Variants in MTUS1 observed in about 807,000 individuals in gnomAD.
MTUS1 encodes the protein microtubule associated scaffold protein 1.
A neutral mutation model predicts 120.8 loss-of-function variants in MTUS1; 109 were observed. The observed-to-expected ratio is 0.90, with a 90% CI of 0.77 to 1.06. The LOEUF (loss-of-function observed/expected upper bound fraction) is 1.06, where lower values mean the gene tolerates loss of function less well. Ranked by LOEUF, MTUS1 falls within the 50% of genes least tolerant of loss-of-function variation. The pLI is 0.00. For missense variants in MTUS1, 2,210 were observed against 1,486.3 expected, an observed-to-expected ratio of 1.49 and a Z score of -8.01; for synonymous variants, 737 against 550.5, an observed-to-expected ratio of 1.34 and a Z score of -4.74.
rs1352701940 is a variant in MTUS1 at position 17,767,698 on chromosome 8, C to CT, written c.-154-11738dup. 1.3e-4 allele frequency among the ~76,000 whole-genome samples: 9 copies of CT among 71,412 alleles called. No individual in the cohort carries two copies. In the East Asian group the frequency reaches 4.3e-3, roughly 34 times the overall value. 46.8% of individuals were successfully genotyped at this position (71,412 alleles called of 152,430 possible). ...TGGGTGATAGAGCAAGACCCTGTCT[C>CT]TTAAAAAAAAAAAAAAAAAACGGTG... On this transcript the variant is annotated intron_variant, in intron 1 of 14. Coordinates refer to ENST00000693296, the MANE Select transcript of MTUS1 (RefSeq NM_001363059.2).
intron 1 of MTUS1, among the ~76,000 whole-genome samples, chr8:17,764,401 GC>G (rs2049300100): frequency 3.1e-5 from 2 of 63,712 alleles, no homozygotes; most frequent in African/African-American, 1.1e-4. Flanking sequence ...AAAGAAAACT[GC>G]AAAAAAAAAA....
At chr8:17,794,122 G>C (rs2095442576) in intron 1 of MTUS1, among the ~76,000 whole-genome samples, 1 of 152,238 alleles carries the variant, frequency 6.6e-6, no homozygotes, top group South Asian at 2.1e-4. Flanking sequence ...GAGGTCAGGA[G>C]TTCGAGACCA....
Position 17,753,927 on chromosome 8 carries a change from G to C in MTUS1, c.1881C>G (p.Thr627=). Residue 627 remains threonine, a synonymous_variant, in exon 2 of 15, where the codon ACC becomes ACG. Transcript: ENST00000693296. ...KASSSNSACE[T]GSVSALFQKI... Reference sequence around the variant, plus strand: ...TCTGAAACAACGCAGAAACGGACCCGGTCTCGCATGCTGAGTTAGAAGAAC... The same window carrying C: ...TCTGAAACAACGCAGAAACGGACCCCGTCTCGCATGCTGAGTTAGAAGAAC... The C allele has an allele frequency of 6.2e-7, 1 of 1,614,092 alleles. No individual in the cohort carries two copies. Among genetic ancestry groups the C allele is most frequent in the Non-Finnish European group, 8.5e-7 (1 of 1,180,010 alleles).
At chr8:17,767,859 G>C (rs990831541) in intron 1 of MTUS1, among the ~76,000 whole-genome samples, 1 of 152,170 alleles carries the variant, frequency 6.6e-6, no homozygotes, top group Admixed American at 6.5e-5. Flanking sequence ...AAGGAGTTAT[G>C]ATGGAGACTG....
At chr8:17,800,707 G>C (rs915817938) in intron 1 of MTUS1, 2 of 152,198 alleles carry the variant, frequency 1.3e-5, no homozygotes, top group African/African-American at 4.8e-5. Flanking sequence ...TATTCCACCC[G>C]CTTTCTCGGC....
intron 3 of MTUS1, among the ~76,000 whole-genome samples, chr8:17,737,307 G>A (rs111420423): frequency 0.012 from 1,769 of 152,214 alleles, 12 homozygotes; most frequent in South Asian, 0.028. Flanking sequence ...AGGAGTTGTG[G>A]GAATTAAATG....
intron 6 of MTUS1, among the ~76,000 whole-genome samples, chr8:17,711,137 G>T (rs1386470882): frequency 1.3e-5 from 2 of 152,180 alleles, no homozygotes; most frequent in Non-Finnish European, 2.9e-5. Flanking sequence ...TTTCAGAATG[G>T]TAAGTGAACG....
chr8:17,684,585 A>AT, intron 6 of MTUS1, 43 bp from the exon 7 acceptor site: 1 of 1,498,330 alleles, frequency 6.7e-7, no homozygotes, highest in Non-Finnish European at 9.2e-7. Flanking sequence ...GGTGAGGTTA[A>AT]TTTTTAAAAT....
chr8:17,774,055 C>G (rs1044407027), intron 1 of MTUS1, among the ~76,000 whole-genome samples: 19 of 152,220 alleles, frequency 1.2e-4, no homozygotes, highest in Non-Finnish European at 2.9e-5. Context: ...AACAATCCTG[C>G]TGGTAAAGGC....
At chr8:17,742,354 C>G (rs148518698) in intron 3 of MTUS1, among the ~76,000 whole-genome samples, 1 of 144,656 alleles carries the variant, frequency 6.9e-6, no homozygotes, top group Non-Finnish European at 1.5e-5. Context: ...GTCCTGAACT[C>G]CTGGCCCACT....
chr8:17,722,009 T>A (rs393787), intron 4 of MTUS1: 82,643 of 1,403,692 alleles, frequency 0.059, 762 homozygotes, highest in East Asian at 0.077. Flanking sequence ...AAAAAAAAAA[T>A]GCGTAAGCTC....
chr8:17,716,833 C>T (rs775539671), intron 4 of MTUS1, among the ~76,000 whole-genome samples: 1 of 152,190 alleles, frequency 6.6e-6, no homozygotes, highest in Non-Finnish European at 1.5e-5. Context: ...GGATTACAGG[C>T]GTGAGCCACC....
chr8:17,723,818 A>C lies in MTUS1; in HGVS notation c.2303T>G (p.Leu768Trp), dbSNP rs1301616821. 2 of 1,590,122 alleles carry C rather than the reference A, an allele frequency of 1.3e-6. No individual in the cohort carries two copies. Among genetic ancestry groups the C allele is most frequent in the Admixed American group, 3.6e-5 (2 of 55,548 alleles). Residue 768 changes from leucine (L) to tryptophan (W), a missense_variant, in exon 4 of 15, where the codon TTG becomes TGG. By Grantham distance (61) the Leu-to-Trp change is moderately conservative. Coordinates refer to ENST00000693296, the MANE Select transcript of MTUS1 (RefSeq NM_001363059.2). ...RVSSSGKPTS[L>W]KTAQSSWVNL... Reference sequence around the variant, plus strand: ...CACCCATGACGACTGTGCAGTTTTCAAGGATGTAGGCTTTCCTTGGGGTTT... The same window carrying C: ...CACCCATGACGACTGTGCAGTTTTCCAGGATGTAGGCTTTCCTTGGGGTTT...
At chr8:17,729,739 T>C (rs1385810015) in intron 3 of MTUS1, among the ~76,000 whole-genome samples, 2 of 151,674 alleles carry the variant, frequency 1.3e-5, no homozygotes, top group Non-Finnish European at 2.9e-5. Flanking sequence ...TAAAGTAATC[T>C]AGAATAATTA....
At chr8:17,759,317 G>A (rs1038006343) in intron 1 of MTUS1, among the ~76,000 whole-genome samples, 2 of 149,806 alleles carry the variant, frequency 1.3e-5, no homozygotes, top group Middle Eastern at 3.4e-3. Context: ...AAGCTGCAGT[G>A]CAGTGATGTG....
At chr8:17,657,165 C>T (rs1325567779) in intron 8 of MTUS1, among the ~76,000 whole-genome samples, 3 of 151,596 alleles carry the variant, frequency 2.0e-5, no homozygotes. Context: ...AAATATTAGC[C>T]TCTATTAAAC....
intron 8 of MTUS1, among the ~76,000 whole-genome samples, chr8:17,668,246 T>G (rs1029673786): frequency 1.3e-5 from 2 of 152,252 alleles, no homozygotes; most frequent in Non-Finnish European, 2.9e-5. Context: ...ATCAGCTATT[T>G]GCTAGTGTTA....
intron 6 of MTUS1, among the ~76,000 whole-genome samples, chr8:17,702,090 T>G (rs1442857451): frequency 6.6e-6 from 1 of 152,220 alleles, no homozygotes; most frequent in East Asian, 1.9e-4. Context: ...TAAACAATTC[T>G]GAAAAGCAGT....
chr8:17,769,825 G>A (rs903551312), intron 1 of MTUS1, among the ~76,000 whole-genome samples: 5 of 141,880 alleles, frequency 3.5e-5, no homozygotes, highest in Non-Finnish European at 7.6e-5. Context: ...TAAATCATAA[G>A]CACTCAAGCA....
Sources: allele counts gnomAD v4.1 joint callset (sites outside exome capture counted in the v4.1 genomes callset), GRCh38; gene constraint gnomAD v4.1.1; transcripts MANE v1.5; gene names NCBI Gene and HGNC (gene_info 2026-07-23, HGNC 2026-07-21).